SLC4A10: variants seen among roughly 807,000 people sequenced by gnomAD.
The protein encoded by SLC4A10 is solute carrier family 4 member 10, also known as sodium-driven chloride bicarbonate exchanger.
SLC4A10 carries 42 observed loss-of-function variants against 137.7 expected under a neutral mutation model. The ratio of observed to expected loss-of-function variants is 0.30; its 90% CI spans 0.24 to 0.39. The LOEUF is 0.39. Among genes scored for constraint, SLC4A10 ranks in the 10% least tolerant of loss-of-function variants. The pLI, the probability that SLC4A10 is intolerant of heterozygous loss-of-function variation, is 1.00. For synonymous variants in SLC4A10, 474 were observed against 464.1 expected, an observed-to-expected ratio of 1.02 and a Z score of -0.27; for missense variants, 925 against 1,355.0, an observed-to-expected ratio of 0.68 and a Z score of 4.98.
chr2:161,932,876 T>TC (rs1056689054), intron 15 of SLC4A10, among the ~76,000 whole-genome samples: 14 of 152,134 alleles, frequency 9.2e-5, no homozygotes, highest in African/African-American at 3.4e-4. Context: ...TGATCTTTTC[T>TC]CCCCATACTC....
At chr2:161,941,593 C>T (rs1188673164) in intron 15 of SLC4A10, among the ~76,000 whole-genome samples, 1 of 152,128 alleles carries the variant, frequency 6.6e-6, no homozygotes, top group African/African-American at 2.4e-5. Flanking sequence ...CATACAGTCT[C>T]TGTAAACTGG....
At chr2:161,976,394 C>T (rs1699381821) in intron 24 of SLC4A10, among the ~76,000 whole-genome samples, 1 of 152,052 alleles carries the variant, frequency 6.6e-6, no homozygotes. Flanking sequence ...ATATGAGGCA[C>T]TTAGAGAAGT....
At chr2:161,948,260 C>CA (rs199527395) in intron 17 of SLC4A10, among the ~76,000 whole-genome samples, 3,583 of 151,458 alleles carry the variant, frequency 0.024, 53 homozygotes, top group Middle Eastern at 0.041. Context: ...CTGATTCCGC[C>CA]AAAAAAAATT....
chr2:161,655,890 T>A (rs2037456333), intron 1 of SLC4A10, among the ~76,000 whole-genome samples: 1 of 138,278 alleles, frequency 7.2e-6, no homozygotes, highest in Non-Finnish European at 1.6e-5. Flanking sequence ...CTCGGGGCAG[T>A]GCAATCTCTG....
intron 1 of SLC4A10, among the ~76,000 whole-genome samples, chr2:161,676,118 G>T (rs2105819190): frequency 6.6e-6 from 1 of 152,284 alleles, no homozygotes; most frequent in Admixed American, 6.5e-5. Flanking sequence ...TTGTGGGTAT[G>T]CCTTGTATAC....
At chr2:161,840,026 G>T in intron 4 of SLC4A10, 99 bp downstream of exon 4, 5 of 1,448,708 alleles carry the variant, frequency 3.5e-6, no homozygotes, top group Non-Finnish European at 4.8e-6. Flanking sequence ...ATCTATGATT[G>T]CTGCTGATTT....
At chr2:161,652,265 A>T (rs1307838919) in intron 1 of SLC4A10, among the ~76,000 whole-genome samples, 1 of 152,154 alleles carries the variant, frequency 6.6e-6, no homozygotes, top group African/African-American at 2.4e-5. Context: ...ATATTCAATC[A>T]TTTATTTATA....
intron 3 of SLC4A10, among the ~76,000 whole-genome samples, chr2:161,835,547 T>C (rs79516760): frequency 0.015 from 2,335 of 152,312 alleles, 64 homozygotes; most frequent in African/African-American, 0.054. Flanking sequence ...AATTGACTTA[T>C]TAGTTTTGTG....
At chr2:161,759,577 T>C (rs2050028525) in intron 1 of SLC4A10, among the ~76,000 whole-genome samples, 1 of 152,034 alleles carries the variant, frequency 6.6e-6, no homozygotes, top group Non-Finnish European at 1.5e-5. Context: ...TGAGATCATA[T>C]AGTACTTGTT....
At chr2:161,889,150 G>A (rs2062641583) in intron 10 of SLC4A10, among the ~76,000 whole-genome samples, 2 of 152,162 alleles carry the variant, frequency 1.3e-5, no homozygotes, top group Admixed American at 1.3e-4. Context: ...GATGGTGGTG[G>A]ATAAGCTTTT....
In SLC4A10 at chr2:161,853,611, G is replaced by A. The variant is rs575846064; in HGVS notation, c.417-1359G>A. ...TATGAGGTATTATGGCCCTGTTTAG[G>A]ACTGAAAAACTTTAGGAATAACTAA... is the stretch of plus-strand genomic sequence containing the variant. On this transcript the variant is annotated intron_variant, in intron 4 of 26. Coordinates refer to ENST00000446997, the MANE Select transcript of SLC4A10 (RefSeq NM_001178015.2). 1.0e-3 allele frequency among the ~76,000 whole-genome samples: 153 copies of A among 152,312 alleles called. 1 individual carries two copies. Among genetic ancestry groups the A allele is most frequent in the Non-Finnish European group, 1.7e-3 (114 of 68,012 alleles).
intron 1 of SLC4A10, among the ~76,000 whole-genome samples, chr2:161,688,581 T>C (rs2041672616): frequency 6.6e-6 from 1 of 152,186 alleles, no homozygotes; most frequent in Non-Finnish European, 1.5e-5. Context: ...TGAAAAGTTG[T>C]TTTTAGAATT....
intron 1 of SLC4A10, among the ~76,000 whole-genome samples, chr2:161,696,936 T>C (rs1306091163): frequency 6.6e-6 from 1 of 152,168 alleles, no homozygotes; most frequent in African/African-American, 2.4e-5. Context: ...TGTAAAAGTG[T>C]TCCTATTTCT....
chr2:161,865,454 A>G (rs1203395655), intron 6 of SLC4A10, among the ~76,000 whole-genome samples: 1 of 152,050 alleles, frequency 6.6e-6, no homozygotes, highest in African/African-American at 2.4e-5. Flanking sequence ...AACACATACA[A>G]ATCTTTTCGA....
chr2:161,817,442 T>C (rs1330598290), intron 3 of SLC4A10, among the ~76,000 whole-genome samples: 4 of 152,100 alleles, frequency 2.6e-5, no homozygotes, highest in South Asian at 2.1e-4. Context: ...CCTGTTCACT[T>C]TGATGGTGAT....
intron 2 of SLC4A10, among the ~76,000 whole-genome samples, chr2:161,794,074 G>A (rs1475838601): frequency 6.6e-6 from 1 of 152,180 alleles, no homozygotes; most frequent in East Asian, 1.9e-4. Context: ...GTTTATATGT[G>A]AGTGGCCTAT....
chr2:161,657,381 G>A (rs2037692758), intron 1 of SLC4A10, among the ~76,000 whole-genome samples: 1 of 151,924 alleles, frequency 6.6e-6, no homozygotes, highest in Non-Finnish European at 1.5e-5. Context: ...ACTACACCAT[G>A]TAAAATTCGT....
At chr2:161,967,380 G>T (rs1215371115) in intron 23 of SLC4A10, among the ~76,000 whole-genome samples, 1 of 152,044 alleles carries the variant, frequency 6.6e-6, no homozygotes, top group Non-Finnish European at 1.5e-5. Context: ...GGAATAAGTG[G>T]GTTGGAAAAG....
chr2:161,816,096 C>A (rs1361199576), intron 3 of SLC4A10, among the ~76,000 whole-genome samples: 1 of 150,690 alleles, frequency 6.6e-6, no homozygotes, highest in East Asian at 1.9e-4. Flanking sequence ...CACACAGAGA[C>A]TTCAACCAAA....
Sources: gnomAD v4.1 joint callset for allele counts (sites outside exome capture counted in the v4.1 genomes callset) on GRCh38, gnomAD v4.1.1 for gene constraint, MANE v1.5 for transcripts, NCBI Gene and HGNC (gene_info 2026-07-23, HGNC 2026-07-21) for gene names.